CLASP1: variants seen among roughly 807,000 people sequenced by gnomAD.
CLASP1 encodes the protein CLIP-associating protein 1.
In CLASP1, 38 loss-of-function variants were observed where a neutral mutation model predicts 192.3. The observed-to-expected ratio is 0.20, with a 90% confidence interval of 0.15 to 0.26. CLASP1 has a LOEUF of 0.26. Among genes scored for constraint, CLASP1 ranks in the 10% least tolerant of loss-of-function variants. The probability of loss-of-function intolerance (pLI) is 1.00; values close to 1 mark genes in which losing one functional copy is unlikely to be tolerated. For synonymous variants in CLASP1, 691 were observed against 712.8 expected, an observed-to-expected ratio of 0.97 and a Z score of 0.49; for missense variants, 1,433 against 1,932.5, an observed-to-expected ratio of 0.74 and a Z score of 4.85.
At chr2:121,444,997 CAG>C in intron 19 of CLASP1, 3 of 1,306,972 alleles carry the variant, frequency 2.3e-6, no homozygotes, top group Non-Finnish European at 3.1e-6. Flanking sequence ...GAAGGGATAA[CAG>C]GGAACAGTTA....
At chr2:121,385,331 G>A (rs1341131118) in intron 32 of CLASP1, among the ~76,000 whole-genome samples, 1 of 152,098 alleles carries the variant, frequency 6.6e-6, no homozygotes, top group Non-Finnish European at 1.5e-5. Flanking sequence ...TTCCAAGAAA[G>A]AAACTACATA....
At chr2:121,507,909 T>C (rs947473856) in intron 7 of CLASP1, among the ~76,000 whole-genome samples, 1 of 151,966 alleles carries the variant, frequency 6.6e-6, no homozygotes, top group East Asian at 1.9e-4. Flanking sequence ...AAAAAGACAA[T>C]CAACCAAGAA....
At chr2:121,559,891 CATT>C (rs368847274) in intron 2 of CLASP1, among the ~76,000 whole-genome samples, 182 of 152,008 alleles carry the variant, frequency 1.2e-3, no homozygotes, top group African/African-American at 3.8e-3. Context: ...TCATCATCAT[CATT>C]ATCATCATCA....
rs1282845293 is a variant in CLASP1, at chr2:121,638,850, G to A, written c.-286+10522C>T. ...ACCCAGCTAATTTTTTGTATATTTA[G>A]TAGAGACAGGGTTTCACCATGTTGG... On this transcript the variant is annotated intron_variant, in intron 1 of 39. Transcript: ENST00000263710. 5.9e-5 allele frequency among the ~76,000 whole-genome samples: 9 copies of A among 151,970 alleles called. No homozygotes were observed. The South Asian group carries it at 1.7e-3, about 28-fold the overall frequency.
rs998692364 is a variant in CLASP1 at position 121,429,973 on chromosome 2, T to C, written c.2017+100A>G. Reference sequence around the variant, plus strand: ...ATCTCAGAGCCACAAAAAATGTGTTTTTCCCTCTGAAGTCAATATAGAGAT... The same window carrying C: ...ATCTCAGAGCCACAAAAAATGTGTTCTTCCCTCTGAAGTCAATATAGAGAT... On this transcript the variant is annotated intron_variant, in intron 20 of 39. Coordinates refer to ENST00000263710, the Ensembl canonical transcript of CLASP1. 5 of 883,988 alleles carry C rather than the reference T, an allele frequency of 5.7e-6. No homozygotes were observed. In the African/African-American group the frequency reaches 8.4e-5, roughly 15 times the overall value. 54.8% of individuals were successfully genotyped at this position (883,988 alleles called of 1,614,324 possible).
At chr2:121,541,476 C>T (rs1401285548) in intron 2 of CLASP1, among the ~76,000 whole-genome samples, 5 of 152,046 alleles carry the variant, frequency 3.3e-5, no homozygotes, top group African/African-American at 7.2e-5. Context: ...CAAATAAGCC[C>T]GAGCCTCCTG....
At chr2:121,611,600 AGTT>A (rs2065513006) in intron 1 of CLASP1, among the ~76,000 whole-genome samples, 5 of 93,212 alleles carry the variant, frequency 5.4e-5, no homozygotes, top group Non-Finnish European at 9.7e-5. Flanking sequence ...GAGGAGGAGG[AGTT>A]GGAGGAGTTA....
intron 9 of CLASP1, among the ~76,000 whole-genome samples, chr2:121,463,707 C>T (rs565198373): frequency 6.6e-6 from 1 of 152,176 alleles, no homozygotes; most frequent in East Asian, 1.9e-4. Flanking sequence ...CATTAAACAA[C>T]ATGCAAAAAG....
intron 26 of CLASP1, 114 bp downstream of exon 27, chr2:121,404,257 C>G: frequency 6.7e-7 from 1 of 1,486,160 alleles, no homozygotes; most frequent in Non-Finnish European, 9.0e-7. Context: ...CGGTGTGACT[C>G]TGTAAGGTCG....
chr2:121,517,406 C>G (rs2094328442), intron 6 of CLASP1, among the ~76,000 whole-genome samples: 1 of 152,130 alleles, frequency 6.6e-6, no homozygotes, highest in Non-Finnish European at 1.5e-5. Context: ...TGACAGGTAA[C>G]TTTACTCATA....
chr2:121,407,613 T>C lies in CLASP1; in HGVS notation c.2527A>G (p.Arg843Gly), dbSNP rs1188564868. The C allele has an allele frequency of 2.5e-6, 4 of 1,614,028 alleles. No homozygotes were observed. In the South Asian group the frequency reaches 4.4e-5, roughly 18 times the overall value. The change falls in exon 25 of 40, where the codon AGG becomes GGG. Residue 843 changes from arginine (R) to glycine (G), a missense_variant. This residue lies in a region of CLASP1 where 445 missense variants were observed against 535.5 expected (regional missense o/e 0.83). Coordinates refer to ENST00000263710, the Ensembl canonical transcript of CLASP1. ...AGATAATGGGGAATGCCACCATTCC[T>C]GGAGCCATATGAGCGCTCAGAGCAA...
chr2:121,459,148 GTTGTTTTTTTTTTTAAAAAAAAACAT>G (rs1166765434), intron 12 of CLASP1, among the ~76,000 whole-genome samples, 173 bp from the exon 13 acceptor site: 2 of 146,762 alleles, frequency 1.4e-5, no homozygotes, highest in Non-Finnish European at 3.0e-5. Context: ...CAAAAGTTTT[GTTGTTTTTTTTTTTAAAAAAAAACAT>G]TTCCAACTAG....
At chr2:121,510,450 A>T (rs1347146591) in intron 7 of CLASP1, among the ~76,000 whole-genome samples, 1 of 152,262 alleles carries the variant, frequency 6.6e-6, no homozygotes, top group East Asian at 1.9e-4. Context: ...AGATAAAATG[A>T]CTAAATTCCT....
At chr2:121,605,313 C>T (rs776683525) in intron 2 of CLASP1, among the ~76,000 whole-genome samples, 2 of 152,114 alleles carry the variant, frequency 1.3e-5, no homozygotes, top group African/African-American at 4.8e-5. Context: ...CAATTCAATC[C>T]CCCAGAGAAA....
intron 22 of CLASP1, among the ~76,000 whole-genome samples, chr2:121,424,241 A>G (rs994393582): frequency 2.0e-5 from 3 of 152,162 alleles, no homozygotes; most frequent in South Asian, 2.1e-4. Flanking sequence ...CCTCTCCCCA[A>G]TAGATATCAA....
At chr2:121,455,302 A>T (rs1248802708) in intron 14 of CLASP1, among the ~76,000 whole-genome samples, 1 of 152,214 alleles carries the variant, frequency 6.6e-6, no homozygotes, top group Non-Finnish European at 1.5e-5. Flanking sequence ...ACTACTAGGT[A>T]TATATCCCCA....
chr2:121,513,768 T>C (rs1195039943), intron 7 of CLASP1, among the ~76,000 whole-genome samples: 1 of 152,202 alleles, frequency 6.6e-6, no homozygotes, highest in Non-Finnish European at 1.5e-5. Flanking sequence ...ACACATTTAA[T>C]CCCTCAGCAG....
intron 33 of CLASP1, among the ~76,000 whole-genome samples, chr2:121,380,408 C>T (rs1489285202): frequency 2.0e-5 from 3 of 152,210 alleles, no homozygotes; most frequent in African/African-American, 4.8e-5. Flanking sequence ...TCTGGTTAGA[C>T]TCCAGAAGGG....
chr2:121,601,386 C>T (rs1166092627), intron 2 of CLASP1, among the ~76,000 whole-genome samples: 1 of 151,692 alleles, frequency 6.6e-6, no homozygotes, highest in Non-Finnish European at 1.5e-5. Flanking sequence ...AATTCTCCTA[C>T]CTCAGCCTCC....
Sources: gnomAD v4.1 joint callset for allele counts (sites outside exome capture counted in the v4.1 genomes callset) on GRCh38, gnomAD v4.1.1 for gene constraint, gnomAD v4.1.1 regional missense constraint, MANE v1.5 for transcripts, NCBI Gene and HGNC (gene_info 2026-07-23, HGNC 2026-07-21) for gene names.